Variants in TSC2 observed in about 807,000 individuals in gnomAD.
TSC2 encodes TSC complex subunit 2, also known as tuberin.
A neutral mutation model predicts 202.2 loss-of-function variants in TSC2; 29 were observed. The observed-to-expected ratio is 0.14, with a 90% confidence interval of 0.11 to 0.20. The LOEUF (loss-of-function observed/expected upper bound fraction) is 0.20. Among genes scored for constraint, TSC2 ranks in the 10% least tolerant of loss-of-function variants. TSC2 has a pLI of 1.00. For missense variants in TSC2, 2,429 were observed against 2,420.0 expected (o/e 1.00, Z -0.08); for synonymous variants, 1,349 against 1,044.0 (o/e 1.29, Z -5.63).
At chr16:2,058,088 C>T (rs948853320) in intron 9 of TSC2, among the ~76,000 whole-genome samples, 2 of 150,700 alleles carry the variant, frequency 1.3e-5, no homozygotes, top group Admixed American at 6.6e-5. Flanking sequence ...GGGGCCCAGC[C>T]CTGCCTCAGC....
Position 2,086,088 on chromosome 16 carries a change from G to A in TSC2, c.4663-105G>A, listed in dbSNP as rs2090749605. Reference sequence around the variant, plus strand: ...AATGGATGGTCTTGTCTGCCTCAGGGATCAGAGTGGGGCTCCCGGCAGAGC... The same window carrying A: ...AATGGATGGTCTTGTCTGCCTCAGGAATCAGAGTGGGGCTCCCGGCAGAGC... On this transcript the variant is annotated intron_variant, in intron 36 of 41. Coordinates refer to ENST00000219476, the MANE Select transcript of TSC2 (RefSeq NM_000548.5). 15 of 1,358,060 alleles carry A rather than the reference G, an allele frequency of 1.1e-5. 1 individual carries two copies. In the South Asian group the frequency reaches 1.4e-4, roughly 13 times the overall value. 84.1% of individuals were successfully genotyped at this position (1,358,060 alleles called of 1,614,324 possible). A position where few individuals can be genotyped will look rare whatever the true frequency, so the allele number is the denominator to read the frequency against.
chr16:2,072,505 A>G, intron 20 of TSC2, 142 bp downstream of exon 20: 1 of 1,370,134 alleles, frequency 7.3e-7, no homozygotes, highest in Non-Finnish European at 9.9e-7. Flanking sequence ...TGGAGCGCAG[A>G]TTGTGCCTTG....
intron 15 of TSC2, 127 bp from the exon 16 acceptor site, chr16:2,065,392 G>A (rs577260543): frequency 2.4e-5 from 20 of 835,956 alleles, no homozygotes; most frequent in Middle Eastern, 2.7e-4. Flanking sequence ...CAGCCTGGGC[G>A]ACAGAGCAAG....
chr16:2,067,800 A>G (rs562229145), intron 16 of TSC2, among the ~76,000 whole-genome samples: 3 of 151,996 alleles, frequency 2.0e-5, no homozygotes, highest in Non-Finnish European at 4.4e-5. Context: ...AACAGGCATC[A>G]CCTCCTTGGT....
chr16:2,082,957 G>A (rs1029257987), intron 32 of TSC2: 15 of 376,420 alleles, frequency 4.0e-5, no homozygotes, highest in Middle Eastern at 9.2e-4. Flanking sequence ...CCTGCAGACC[G>A]ACCTCTGCCT....
chr16:2,083,769 G>A lies in TSC2; in HGVS notation c.3958G>A (p.Val1320Ile), dbSNP rs767495365. 47 of 1,610,942 alleles carry A rather than the reference G, an allele frequency of 2.9e-5. 1 individual carries two copies. Among genetic ancestry groups the A allele is most frequent in the Middle Eastern group, 1.6e-4 (1 of 6,072 alleles). ...GGTGGAGCCCCCAGGGTTGGAGGAC[G>A]TTGAGGCAGCGCTAGGCATGGACAG... is the stretch of plus-strand genomic sequence containing the variant. ...VLVEPPGLED[V>I]EAALGMDRRT... is the part of the protein sequence containing the mutation. Residue 1320 changes from valine (V) to isoleucine (I), a missense_variant, in exon 33 of 42, where the codon GTT becomes ATT. Transcript: ENST00000219476.
At position 2,088,692 on chromosome 16, in the gene TSC2, GACATAGAGGC is replaced by G; in HGVS notation, c.*86_*95del. ...AATAAAGTCCTGACCCCAGTGCACAGACATAGAGGCACAGATTGCAGTCAGACAGCTCTTT... is the reference window on the plus strand; with the variant it reads ...AATAAAGTCCTGACCCCAGTGCACAGACAGATTGCAGTCAGACAGCTCTTT... On this transcript the variant is annotated 3_prime_UTR_variant, in exon 42 of 42. Coordinates refer to ENST00000219476, the MANE Select transcript of TSC2 (RefSeq NM_000548.5). 1 of 1,500,768 alleles carries G rather than the reference GACATAGAGGC, an allele frequency of 6.7e-7. No homozygotes were observed. The highest frequency in any genetic ancestry group is 1.2e-5 in the South Asian group (1 of 82,974). 93.0% of individuals were successfully genotyped at this position (1,500,768 alleles called of 1,614,324 possible).
intron 29 of TSC2, 149 bp from the exon 30 acceptor site, chr16:2,080,016 G>A (rs1567502567): frequency 1.8e-6 from 2 of 1,098,002 alleles, no homozygotes; most frequent in Non-Finnish European, 2.7e-6. Context: ...GGCCAGCACT[G>A]TGGTGGGCCG....
At chr16:2,083,557 G>T (rs1368178004) in intron 32 of TSC2, 138 bp from the exon 33 acceptor site, 1 of 1,438,488 alleles carries the variant, frequency 7.0e-7, no homozygotes, top group African/African-American at 1.4e-5. Context: ...TCGGTGGATG[G>T]CAGCAGTAAG....
intron 38 of TSC2, 42 bp downstream of exon 38, chr16:2,086,913 G>A (rs2090880759): frequency 6.4e-7 from 1 of 1,553,180 alleles, no homozygotes; most frequent in Non-Finnish European, 8.7e-7. Flanking sequence ...CCAGGCAGGT[G>A]CCCACTGCTG....
intron 35 of TSC2, 99 bp downstream of exon 35, chr16:2,085,125 G>C (rs1596424725): frequency 6.2e-7 from 1 of 1,601,292 alleles, no homozygotes; most frequent in African/African-American, 1.3e-5. Flanking sequence ...GCTTGCAGAG[G>C]GCTCTGGCCT....
Position 2,079,603 on chromosome 16 carries a change from A to G in TSC2, c.3331A>G (p.Lys1111Glu), listed in dbSNP as rs2151445646. 2 of 1,611,560 alleles carry G rather than the reference A, an allele frequency of 1.2e-6. No homozygotes were observed. The highest frequency in any genetic ancestry group is 3.3e-5 in the Admixed American group (2 of 59,882). Residue 1111 changes from lysine to glutamate, a missense_variant, in exon 29 of 42, where the codon AAG becomes GAG. Lys to Glu is a moderately conservative substitution (Grantham distance 56, BLOSUM62 1). Coordinates refer to ENST00000219476, the MANE Select transcript of TSC2 (RefSeq NM_000548.5). This position sits in a 1 kb window ranked among gnomAD's most constrained non-coding sequence, Gnocchi z 4.6. Reference sequence around the variant, plus strand: ...GAGACAGACCAAGGAGGCGCCGGCCAAGCTGGAGTCCCAGGCTGGGCAGCA... The same window carrying G: ...GAGACAGACCAAGGAGGCGCCGGCCGAGCTGGAGTCCCAGGCTGGGCAGCA... ...HVRQTKEAPAKLESQAGQQVS... is the reference protein window; with the variant it reads ...HVRQTKEAPAELESQAGQQVS...
chr16:2,055,771 A>G, intron 6 of TSC2: 1 of 480,730 alleles, frequency 2.1e-6, no homozygotes, highest in East Asian at 4.1e-5. Flanking sequence ...GGAGCCTGTA[A>G]TCCCAGCTAC....
chr16:2,084,535 G>C lies in TSC2; in HGVS notation c.4313G>C (p.Arg1438Pro), dbSNP rs45448791. 3.1e-6 allele frequency: 5 copies of C among 1,609,372 alleles called. No individual in the cohort carries two copies. The highest frequency in any genetic ancestry group is 2.2e-5 in the East Asian group (1 of 44,796). Residue 1438 changes from arginine (R) to proline (P), a missense_variant, in exon 34 of 42, where the codon CGG becomes CCG. Physicochemically the swap from Arg to Pro is moderately radical, Grantham distance 103. Coordinates refer to ENST00000219476, the MANE Select transcript of TSC2 (RefSeq NM_000548.5). ...AAWSASGEDS[R>P]GQPEGPLPSS... ...TGGTCGGCCTCGGGCGAAGACAGTC[G>C]GGGCCAGCCCGAGGGTCCCTTGCCT...
chr16:2,048,423 G>C, intron 1 of TSC2, 164 bp from the exon 2 acceptor site: 1 of 977,166 alleles, frequency 1.0e-6, no homozygotes, highest in South Asian at 1.4e-5. Context: ...CTAGGTGCCT[G>C]TTTGCGAGCT....
rs1555440894 is a variant in TSC2, at chr16:2,088,327, T to C, written c.5259+2T>C. 6.2e-7 allele frequency: 1 copy of C among 1,612,444 alleles called. No individual in the cohort carries two copies. The highest frequency in any genetic ancestry group is 8.5e-7 in the Non-Finnish European group (1 of 1,179,944). ...CACATCAAGCGGCTCCGCCAGCGGG[T>C]AGGGAATATGGGGCTCCCTCAGCGG... On this transcript the variant is annotated splice_donor_variant, in intron 41 of 41. Coordinates refer to ENST00000219476, the MANE Select transcript of TSC2 (RefSeq NM_000548.5). LOFTEE classifies it high-confidence loss of function.
Position 2,088,881 on chromosome 16 carries a change from G to GCGCGCACACACACACACA in TSC2, c.*272_*273insGCGCACACACACACACAC, listed in dbSNP as rs142285430. 4.3e-5 allele frequency: 18 copies of GCGCGCACACACACACACA among 421,376 alleles called. No individual in the cohort carries two copies. The highest frequency in any genetic ancestry group is 3.1e-4 in the African/African-American group (14 of 44,576). 26.1% of individuals were successfully genotyped at this position (421,376 alleles called of 1,614,324 possible). ...ACAGCACACTCGCGCGTGCGCGCGC[G>GCGCGCACACACACACACA]CACACACACACACACACAGTCACCT... On this transcript the variant is annotated 3_prime_UTR_variant, in exon 42 of 42. Coordinates refer to ENST00000219476, the MANE Select transcript of TSC2 (RefSeq NM_000548.5).
Position 2,076,596 on chromosome 16 carries a change from CG to C in TSC2, c.2837+16del. 1 of 1,612,370 alleles carries C rather than the reference CG, an allele frequency of 6.2e-7. No homozygotes were observed. Among genetic ancestry groups the C allele is most frequent in the South Asian group, 1.1e-5 (1 of 91,050 alleles). ...CGAGAGACCCAAGAGGTACGGCCTG[CG>C]GGGGTGTGCCTGGAGTCGGTGTGGG... On this transcript the variant is annotated intron_variant, in intron 25 of 41. Coordinates refer to ENST00000219476, the MANE Select transcript of TSC2 (RefSeq NM_000548.5).
At chr16:2,072,539 C>A in intron 20 of TSC2, 176 bp downstream of exon 20, 1 of 1,035,400 alleles carries the variant, frequency 9.7e-7, no homozygotes, top group Non-Finnish European at 1.4e-6. Flanking sequence ...GACCCCTGCC[C>A]CAGCTCGCAG....
Sources: allele counts gnomAD v4.1 joint callset (sites outside exome capture counted in the v4.1 genomes callset), GRCh38; gene constraint gnomAD v4.1.1; non-coding constraint Gnocchi (gnomAD v3.1); transcripts MANE v1.5; gene names NCBI Gene and HGNC (gene_info 2026-07-23, HGNC 2026-07-21).